SPG7: variants seen among roughly 807,000 people sequenced by gnomAD.
The protein encoded by SPG7 is mitochondrial inner membrane m-AAA protease component paraplegin.
In SPG7, 103 loss-of-function variants were observed where a neutral mutation model predicts 81.9. The ratio of observed to expected loss-of-function variants is 1.26; its 90% confidence interval spans 1.07 to 1.48. The LOEUF (loss-of-function observed/expected upper bound fraction) is 1.48, where lower values mean the gene tolerates loss of function less well. Ranked by LOEUF, SPG7 falls within the 40% of genes most tolerant of loss-of-function variation. The pLI is 0.00. For missense variants in SPG7, 1,241 were observed against 1,087.3 expected, an observed-to-expected ratio of 1.14 and a Z score of -1.99; for synonymous variants, 534 against 444.2, an observed-to-expected ratio of 1.20 and a Z score of -2.54.
At chr16:89,544,929 G>A (rs535761691) in intron 10 of SPG7, 157 bp downstream of exon 10, 12 of 857,792 alleles carry the variant, frequency 1.4e-5, no homozygotes, top group Middle Eastern at 3.4e-4. Context: ...TCGGCTGCAC[G>A]CCCCCAGCAG....
chr16:89,517,269 G>A (rs1160920335), intron 3 of SPG7: 6 of 139,636 alleles, frequency 4.3e-5, no homozygotes, highest in Non-Finnish European at 6.4e-5. Context: ...GGCAGCCTCC[G>A]TTGTCATGGT....
Position 89,529,488 on chromosome 16 carries a change from CTG to C in SPG7, c.773_774del (p.Val258GlyfsTer30), listed in dbSNP as rs768136171. 5.6e-6 allele frequency: 9 copies of C among 1,612,884 alleles called. No homozygotes were observed. The highest frequency in any genetic ancestry group is 1.3e-5 in the African/African-American group (1 of 74,902). On this transcript the variant is annotated frameshift_variant, in exon 6 of 17. Transcript: ENST00000645818. LOFTEE classifies it high-confidence loss of function. ...CTTTCTTCCGGCAGTGCCCTGTACT[CTG>C]TGGGGATGACGGCAGTGGGCCTGGC...
intron 10 of SPG7, 23 bp downstream of exon 10, chr16:89,544,795 C>T: frequency 7.4e-6 from 12 of 1,613,658 alleles, no homozygotes; most frequent in Non-Finnish European, 1.0e-5. Context: ...ATCCCAGCCT[C>T]TCCCACTCCA....
intron 1 of SPG7, among the ~76,000 whole-genome samples, chr16:89,509,906 A>G (rs1251968296): frequency 7.1e-6 from 1 of 140,322 alleles, no homozygotes; most frequent in East Asian, 2.1e-4. Context: ...CTCCCACCTC[A>G]GCCTCCCAAA....
intron 9 of SPG7, among the ~76,000 whole-genome samples, chr16:89,542,612 GGGTGTGTCTTGGACTGAGCT>G (rs1232400579): frequency 6.6e-6 from 1 of 152,142 alleles, no homozygotes; most frequent in Non-Finnish European, 1.5e-5. Context: ...CTTGGGAGTG[GGGTGTGTCTTGGACTGAGCT>G]GCTGTCCAGA....
intron 3 of SPG7, chr16:89,520,692 C>T (rs1335018030): frequency 6.7e-6 from 1 of 149,804 alleles, no homozygotes; most frequent in South Asian, 2.2e-4. Flanking sequence ...CCACTGCGCC[C>T]AGCCCCAGCT....
chr16:89,543,009 G>C (rs535431686), intron 9 of SPG7: 1 of 143,798 alleles, frequency 7.0e-6, no homozygotes, highest in South Asian at 2.3e-4. Context: ...GTGCAGTGGC[G>C]TGATCTCGGC....
At chr16:89,550,419 C>T (rs1241038540) in intron 12 of SPG7, 75 bp from the exon 13 acceptor site, 41 of 1,020,300 alleles carry the variant, frequency 4.0e-5, no homozygotes, top group Non-Finnish European at 4.0e-5. Flanking sequence ...GTCATCCGCC[C>T]GCCTTGGCCT....
intron 9 of SPG7, chr16:89,537,207 A>T (rs1039979562): frequency 4.2e-6 from 6 of 1,429,516 alleles, no homozygotes; most frequent in Non-Finnish European, 5.5e-6. Context: ...TCGTGGGGAA[A>T]TCTCACTGGG....
At position 89,526,425 on chromosome 16, in the gene SPG7, G is replaced by A; in HGVS notation, c.715G>A (p.Asp239Asn). The A allele has an allele frequency of 6.2e-7, 1 of 1,614,180 alleles. No homozygotes were observed. Among genetic ancestry groups the A allele is most frequent in the Non-Finnish European group, 8.5e-7 (1 of 1,180,036 alleles). ...AEDELNIEAKDRIPVSYKRTG... is the reference protein window; with the variant it reads ...AEDELNIEAKNRIPVSYKRTG... ...AGATGAGCTGAATATCGAGGCCAAG[G>A]ACAGGATCCCAGTTTCCTACAAGCG... Residue 239 changes from aspartate to asparagine, a missense_variant, in exon 5 of 17, where the codon GAC (aspartate) becomes AAC (asparagine). By Grantham distance (23) the Asp-to-Asn change is conservative. Coordinates refer to ENST00000645818, the MANE Select transcript of SPG7 (RefSeq NM_003119.4).
At chr16:89,538,090 A>G (rs1281295392) in intron 9 of SPG7, 1 of 152,082 alleles carries the variant, frequency 6.6e-6, no homozygotes, top group Non-Finnish European at 1.5e-5. Context: ...TGGGGTTCAG[A>G]GTGTGTTCTC....
chr16:89,515,614 C>T (rs1304649693), intron 3 of SPG7, among the ~76,000 whole-genome samples: 2 of 149,192 alleles, frequency 1.3e-5, no homozygotes, highest in Admixed American at 6.6e-5. Context: ...GTGGCTCACA[C>T]CTGTAATCTG....
In SPG7 at chr16:89,557,266, C is replaced by T. The variant is rs1397396653; in HGVS notation, c.*173C>T. 2 of 605,678 alleles carry T rather than the reference C, an allele frequency of 3.3e-6. No individual in the cohort carries two copies. The highest frequency in any genetic ancestry group is 5.5e-5 in the East Asian group (2 of 36,208). The allele number at this position is 605,678 out of a possible 1,614,324, so 37.5% of individuals were successfully genotyped here. Reference sequence around the variant, plus strand: ...ACCCTTTTCATGATTTTAAGTTTCTCTGCAGAAACTACTGACGGAGTCCTG... The same window carrying T: ...ACCCTTTTCATGATTTTAAGTTTCTTTGCAGAAACTACTGACGGAGTCCTG... On this transcript the variant is annotated 3_prime_UTR_variant, in exon 17 of 17. Coordinates refer to ENST00000645818, the MANE Select transcript of SPG7 (RefSeq NM_003119.4).
Position 89,548,049 on chromosome 16 carries a change from G to T in SPG7, c.1599G>T (p.Ala533=). 1 of 1,611,768 alleles carries T rather than the reference G, an allele frequency of 6.2e-7. No individual in the cohort carries two copies. ...GCAATGAGGCTGCGCTGCACGCGGC[G>T]CGGGAGGGACACACTTCCGTGCACA... ...NICNEAALHA[A]REGHTSVHTL... Residue 533 remains alanine (A), a synonymous_variant, in exon 12 of 17, where the codon GCG becomes GCT. Transcript: ENST00000645818.
intron 10 of SPG7, chr16:89,545,163 C>G (rs977280649): frequency 1.1e-5 from 4 of 349,822 alleles, no homozygotes; most frequent in African/African-American, 8.6e-5. Context: ...TGTGGCATCA[C>G]TTCCTTCCAT....
Position 89,532,550 on chromosome 16 carries a change from T to C in SPG7, c.1238T>C (p.Val413Ala), listed in dbSNP as rs1244749062. Residue 413 changes from valine (V) to alanine (A), a missense_variant, in exon 9 of 17, where the codon GTG becomes GCG. By Grantham distance (64) the Val-to-Ala change is moderately conservative. Coordinates refer to ENST00000645818, the MANE Select transcript of SPG7 (RefSeq NM_003119.4). ...GTCTACATCGATGAGATCGACGCGGTGGGCAAGAAGCGCTCCACCACCATG... is the reference window on the plus strand; with the variant it reads ...GTCTACATCGATGAGATCGACGCGGCGGGCAAGAAGCGCTCCACCACCATG... ...CIVYIDEIDA[V>A]GKKRSTTMSG... 1 of 1,613,718 alleles carries C rather than the reference T, an allele frequency of 6.2e-7. No individual in the cohort carries two copies. The highest frequency in any genetic ancestry group is 8.5e-7 in the Non-Finnish European group (1 of 1,180,026).
At chr16:89,510,189 G>T (rs1448663927) in intron 1 of SPG7, among the ~76,000 whole-genome samples, 2 of 150,552 alleles carry the variant, frequency 1.3e-5, no homozygotes, top group African/African-American at 2.4e-5. Flanking sequence ...TGGCCAGGCT[G>T]GTCTCAAACT....
chr16:89,539,728 C>G (rs1400169981), intron 9 of SPG7: 2 of 151,966 alleles, frequency 1.3e-5, no homozygotes, highest in African/African-American at 2.4e-5. Context: ...ACCAACATGC[C>G]TGGCTAATTA....
intron 14 of SPG7, chr16:89,553,590 AAG>A (rs1350326518): frequency 3.3e-6 from 2 of 598,500 alleles, no homozygotes; most frequent in Non-Finnish European, 3.0e-6. Flanking sequence ...TTCCAAATAA[AAG>A]AGCATTTCGG....
Sources: allele counts gnomAD v4.1 joint callset (sites outside exome capture counted in the v4.1 genomes callset), GRCh38; gene constraint gnomAD v4.1.1; transcripts MANE v1.5; gene names NCBI Gene and HGNC (gene_info 2026-07-23, HGNC 2026-07-21).